Variants in ARHGAP18 observed in about 807,000 individuals in gnomAD.
ARHGAP18 encodes Rho GTPase activating protein 18.
A neutral mutation model predicts 86.2 loss-of-function variants in ARHGAP18; 67 were observed. The observed-to-expected ratio is 0.78, with a 90% CI of 0.64 to 0.95. The LOEUF (loss-of-function observed/expected upper bound fraction) is 0.95. Among genes scored for constraint, ARHGAP18 ranks in the 40% least tolerant of loss-of-function variants. ARHGAP18 has a pLI of 0.00. For missense variants in ARHGAP18, 691 were observed against 780.4 expected, an observed-to-expected ratio of 0.89 and a Z score of 1.37; for synonymous variants, 283 against 280.4, an observed-to-expected ratio of 1.01 and a Z score of -0.09.
intron 12 of ARHGAP18, chr6:129,598,953 T>C: frequency 4.0e-6 from 1 of 248,512 alleles, no homozygotes; most frequent in Non-Finnish European, 7.6e-6. Flanking sequence ...TGTGTGTGTG[T>C]GTGTGTGTTC....
At chr6:129,660,062 G>A (rs1317007054) in intron 1 of ARHGAP18, among the ~76,000 whole-genome samples, 1 of 152,198 alleles carries the variant, frequency 6.6e-6, no homozygotes, top group East Asian at 1.9e-4. Flanking sequence ...CCCTGGGGGA[G>A]GGAGAAGGCA....
rs756386744 is a variant in ARHGAP18, at chr6:129,580,073, T to C, written c.1897A>G (p.Ile633Val). Residue 633 changes from isoleucine to valine, a missense_variant, in exon 14 of 15, where the codon ATT becomes GTT. Coordinates refer to ENST00000368149, the MANE Select transcript of ARHGAP18 (RefSeq NM_033515.3). Reference sequence around the variant, plus strand: ...AAAGAGAAAAAAAAGTGCTTACCAATATTTCCTCCAATTTCATACAAAAAA... The same window carrying C: ...AAAGAGAAAAAAAAGTGCTTACCAACATTTCCTCCAATTTCATACAAAAAA... Reference protein sequence around the residue: ...EVFLYEIGGNIGERCLDDDTY... With the variant: ...EVFLYEIGGNVGERCLDDDTY... 1.9e-6 allele frequency: 3 copies of C among 1,612,522 alleles called. No individual in the cohort carries two copies. The highest frequency in any genetic ancestry group is 2.5e-6 in the Non-Finnish European group (3 of 1,178,794).
intron 5 of ARHGAP18, among the ~76,000 whole-genome samples, chr6:129,626,734 C>A (rs987001619): frequency 1.3e-5 from 2 of 151,370 alleles, no homozygotes; most frequent in Non-Finnish European, 3.0e-5. Context: ...CAAGTTTAAA[C>A]CATTTCTAGT....
chr6:129,602,293 G>A (rs950245561), intron 10 of ARHGAP18, among the ~76,000 whole-genome samples: 2 of 152,118 alleles, frequency 1.3e-5, no homozygotes, highest in Non-Finnish European at 2.9e-5. Context: ...GAGAATGTAA[G>A]TAACTTCCTG....
intron 1 of ARHGAP18, among the ~76,000 whole-genome samples, chr6:129,644,455 C>T (rs1773539110): frequency 6.6e-6 from 1 of 152,150 alleles, no homozygotes; most frequent in Non-Finnish European, 1.5e-5. Context: ...TTACTTCTGC[C>T]TTACCAGGAT....
intron 10 of ARHGAP18, among the ~76,000 whole-genome samples, chr6:129,603,609 C>T (rs1260289200): frequency 6.6e-6 from 1 of 152,042 alleles, no homozygotes; most frequent in Non-Finnish European, 1.5e-5. Context: ...TATCTCTCAG[C>T]CTGGAAGGAT....
intron 3 of ARHGAP18, among the ~76,000 whole-genome samples, chr6:129,634,888 TAA>T (rs5879956): frequency 1.4e-4 from 20 of 146,046 alleles, no homozygotes; most frequent in Admixed American, 2.7e-4. Flanking sequence ...TTCTTCAAGT[TAA>T]AAAAAAAAAA....
chr6:129,629,764 A>G (rs1773158530), intron 4 of ARHGAP18, among the ~76,000 whole-genome samples: 1 of 152,150 alleles, frequency 6.6e-6, no homozygotes, highest in South Asian at 2.1e-4. Flanking sequence ...TGAGACCACA[A>G]TCCTCAAACT....
intron 10 of ARHGAP18, among the ~76,000 whole-genome samples, chr6:129,601,988 C>T (rs906886922): frequency 6.6e-6 from 1 of 152,130 alleles, no homozygotes; most frequent in Non-Finnish European, 1.5e-5. Flanking sequence ...TTAGGTTATG[C>T]TCAGCTTGAT....
chr6:129,647,991 A>T (rs1773614354), intron 1 of ARHGAP18, among the ~76,000 whole-genome samples: 1 of 152,176 alleles, frequency 6.6e-6, no homozygotes, highest in Non-Finnish European at 1.5e-5. Context: ...CAGATGCATC[A>T]ATCTTTCTGA....
At chr6:129,648,766 A>C (rs12661601) in intron 1 of ARHGAP18, among the ~76,000 whole-genome samples, 70,683 of 151,580 alleles carry the variant, frequency 0.47, 17,282 homozygotes, top group African/African-American at 0.63. Flanking sequence ...GTGTAGATTT[A>C]TCTCTTTCAT....
At chr6:129,676,383 T>C (rs2114532749) in intron 1 of ARHGAP18, among the ~76,000 whole-genome samples, 1 of 152,226 alleles carries the variant, frequency 6.6e-6, no homozygotes, top group East Asian at 1.9e-4. Flanking sequence ...ACAGGGTCAG[T>C]CTATTCAAGG....
intron 8 of ARHGAP18, 101 bp downstream of exon 8, chr6:129,611,432 C>G: frequency 1.1e-6 from 1 of 940,372 alleles, no homozygotes; most frequent in Non-Finnish European, 1.6e-6. Context: ...ATCTACTTTA[C>G]TAACAATGGA....
At chr6:129,663,650 A>G (rs1049951060) in intron 1 of ARHGAP18, among the ~76,000 whole-genome samples, 4 of 152,088 alleles carry the variant, frequency 2.6e-5, no homozygotes, top group Non-Finnish European at 4.4e-5. Context: ...GAGGAAACAC[A>G]TTACTCTTCA....
At chr6:129,695,231 ATT>A (rs1395924561) in intron 1 of ARHGAP18, among the ~76,000 whole-genome samples, 1 of 152,004 alleles carries the variant, frequency 6.6e-6, no homozygotes, top group East Asian at 1.9e-4. Context: ...TCACCAGGAT[ATT>A]ATATGTTACA....
intron 7 of ARHGAP18, among the ~76,000 whole-genome samples, chr6:129,615,063 C>T (rs1369722702): frequency 6.6e-6 from 1 of 152,176 alleles, no homozygotes; most frequent in African/African-American, 2.4e-5. Context: ...ATCTCTTCCT[C>T]TCACTCTAAA....
At chr6:129,654,773 C>T (rs897345184) in intron 1 of ARHGAP18, among the ~76,000 whole-genome samples, 8 of 152,202 alleles carry the variant, frequency 5.3e-5, no homozygotes, top group African/African-American at 1.9e-4. Context: ...CTGGATCCTC[C>T]TCTCTGCCCA....
intron 1 of ARHGAP18, among the ~76,000 whole-genome samples, chr6:129,688,653 A>G (rs1036657974): frequency 6.6e-6 from 1 of 152,160 alleles, no homozygotes; most frequent in Non-Finnish European, 1.5e-5. Flanking sequence ...TTAGCCAAGC[A>G]TGGTGGCACA....
intron 12 of ARHGAP18, among the ~76,000 whole-genome samples, chr6:129,585,586 C>T (rs1788381623): frequency 6.6e-6 from 1 of 152,168 alleles, no homozygotes; most frequent in South Asian, 2.1e-4. Context: ...AAGGACCTGA[C>T]CATCAACCTC....
Sources: gnomAD v4.1 joint callset for allele counts (sites outside exome capture counted in the v4.1 genomes callset) on GRCh38, gnomAD v4.1.1 for gene constraint, MANE v1.5 for transcripts, NCBI Gene and HGNC (gene_info 2026-07-23, HGNC 2026-07-21) for gene names.